Variants in RFX8 observed in about 807,000 individuals in gnomAD.
The protein encoded by RFX8 is regulatory factor X8, also known as DNA-binding protein RFX8.
Under a neutral mutation model 54.6 loss-of-function variants are expected in RFX8, and 46 were observed. The observed-to-expected ratio is 0.84, with a 90% CI of 0.67 to 1.08. RFX8 has a LOEUF of 1.08. RFX8 is among the 50% of genes least tolerant of loss of function. The pLI, the probability that RFX8 is intolerant of heterozygous loss-of-function variation, is 0.00. For missense variants in RFX8, 536 were observed against 562.3 expected, an observed-to-expected ratio of 0.95 and a Z score of 0.47; for synonymous variants, 192 against 209.5, an observed-to-expected ratio of 0.92 and a Z score of 0.72.
chr2:101,474,128 C>G (rs1690166220), intron 1 of RFX8: 5 of 550,604 alleles, frequency 9.1e-6, no homozygotes, highest in Non-Finnish European at 1.6e-5. Context: ...CGAGGGCAGC[C>G]GTAGCGGGAA....
intron 2 of RFX8, chr2:101,450,658 T>TA (rs1688626005): frequency 6.6e-7 from 1 of 1,505,280 alleles, no homozygotes; most frequent in South Asian, 1.2e-5. Flanking sequence ...CTTTTCTTGA[T>TA]ACAGATTCCA....
At chr2:101,410,804 T>A (rs1385657989) in intron 8 of RFX8, 91 bp from the exon 9 acceptor site, 4 of 682,364 alleles carry the variant, frequency 5.9e-6, no homozygotes, top group Non-Finnish European at 1.0e-5. Flanking sequence ...CCTGGAAACA[T>A]CACTGAACAA....
chr2:101,463,651 TG>T (rs1189552062), intron 2 of RFX8, among the ~76,000 whole-genome samples: 2 of 152,152 alleles, frequency 1.3e-5, no homozygotes, highest in Admixed American at 1.3e-4. Flanking sequence ...GGATGCACAC[TG>T]GGACAGTCCC....
intron 8 of RFX8, among the ~76,000 whole-genome samples, chr2:101,411,966 T>C (rs1052161196): frequency 6.6e-6 from 1 of 152,198 alleles, no homozygotes; most frequent in Admixed American, 6.5e-5. Context: ...AGTGCTCCTG[T>C]GGGCCAGTGC....
chr2:101,452,093 G>A (rs1688715728), intron 2 of RFX8, among the ~76,000 whole-genome samples: 2 of 152,136 alleles, frequency 1.3e-5, no homozygotes, highest in African/African-American at 4.8e-5. Context: ...TATTTGATGT[G>A]TGTTAATTAT....
chr2:101,406,731 C>A (rs1685759675), intron 9 of RFX8, among the ~76,000 whole-genome samples: 1 of 152,114 alleles, frequency 6.6e-6, no homozygotes, highest in Admixed American at 6.5e-5. Context: ...TTGGAATGGC[C>A]ATCAAGAGGG....
chr2:101,457,970 T>C (rs962196369), intron 2 of RFX8, among the ~76,000 whole-genome samples: 1 of 152,372 alleles, frequency 6.6e-6, no homozygotes, highest in South Asian at 2.1e-4. Flanking sequence ...GTAATGGCCT[T>C]CTTTGTCTCT....
At chr2:101,435,843 C>T (rs1002047299) in intron 2 of RFX8, among the ~76,000 whole-genome samples, 2 of 152,016 alleles carry the variant, frequency 1.3e-5, no homozygotes, top group African/African-American at 4.8e-5. Flanking sequence ...AAAAAAATAG[C>T]CTCAAGCTGT....
chr2:101,427,516 A>G (rs868063188), intron 2 of RFX8, among the ~76,000 whole-genome samples: 1 of 152,230 alleles, frequency 6.6e-6, no homozygotes, highest in African/African-American at 2.4e-5. Flanking sequence ...CGGGAGGAAC[A>G]CGGCTCTGCG....
At chr2:101,414,334 C>T (rs1686353179) in intron 7 of RFX8, among the ~76,000 whole-genome samples, 1 of 152,118 alleles carries the variant, frequency 6.6e-6, no homozygotes, top group African/African-American at 2.4e-5. Context: ...GTGGCACAAT[C>T]TTAGCTCACT....
intron 2 of RFX8, among the ~76,000 whole-genome samples, chr2:101,461,316 G>C (rs1573479831): frequency 4.7e-5 from 7 of 150,166 alleles, no homozygotes; most frequent in Admixed American, 4.7e-4. Flanking sequence ...AAAATGACAG[G>C]AGACAAAAGG....
At chr2:101,461,279 A>AAAAAAAAAAAAAAAAG (rs1553459153) in intron 2 of RFX8, among the ~76,000 whole-genome samples, 1 of 124,774 alleles carries the variant, frequency 8.0e-6, no homozygotes, top group Non-Finnish European at 1.7e-5. Context: ...AAAAAAAAAA[A>AAAAAAAAAAAAAAAAG]AAAGAAAGAA....
At chr2:101,444,875 A>G (rs1426551454) in intron 2 of RFX8, among the ~76,000 whole-genome samples, 2 of 152,190 alleles carry the variant, frequency 1.3e-5, no homozygotes, top group Non-Finnish European at 2.9e-5. Flanking sequence ...AATTAATGTA[A>G]TCTCACAACA....
intron 2 of RFX8, among the ~76,000 whole-genome samples, chr2:101,445,963 A>G (rs1345464512): frequency 2.6e-5 from 4 of 152,212 alleles, no homozygotes; most frequent in Non-Finnish European, 5.9e-5. Context: ...TTTGTCACAC[A>G]GGTCCTTATA....
intron 10 of RFX8, among the ~76,000 whole-genome samples, chr2:101,405,704 G>T (rs1306345799): frequency 1.3e-5 from 2 of 152,122 alleles, no homozygotes; most frequent in African/African-American, 2.4e-5. Context: ...AGGAGAGTGT[G>T]TCTAACGATG....
intron 10 of RFX8, among the ~76,000 whole-genome samples, chr2:101,404,477 C>T (rs1174861686): frequency 6.6e-6 from 1 of 152,212 alleles, no homozygotes; most frequent in African/African-American, 2.4e-5. Flanking sequence ...GTTGCCCAGG[C>T]TGGAGTGCAG....
intron 6 of RFX8, among the ~76,000 whole-genome samples, chr2:101,415,812 T>C (rs578203728): frequency 2.0e-5 from 3 of 152,224 alleles, no homozygotes. Context: ...CCATGCGATG[T>C]GCGAGCACAA....
intron 2 of RFX8, among the ~76,000 whole-genome samples, chr2:101,437,663 A>T (rs1400998824): frequency 6.6e-6 from 1 of 152,068 alleles, no homozygotes; most frequent in Non-Finnish European, 1.5e-5. Context: ...ATTCAGAGAG[A>T]TCTCTTTTAC....
intron 2 of RFX8, among the ~76,000 whole-genome samples, chr2:101,434,023 C>T (rs892997599): frequency 4.6e-5 from 7 of 152,044 alleles, no homozygotes; most frequent in Admixed American, 2.6e-4. Flanking sequence ...CATTAAAATA[C>T]ACTCAGCACT....
Sources: gnomAD v4.1 joint callset for allele counts (sites outside exome capture counted in the v4.1 genomes callset) on GRCh38, gnomAD v4.1.1 for gene constraint, MANE v1.5 for transcripts, NCBI Gene and HGNC (gene_info 2026-07-23, HGNC 2026-07-21) for gene names.